The following CHODL variants were observed in gnomAD, a reference collection of about 807,000 sequenced individuals.
The protein encoded by CHODL is transmembrane protein MT75.
Under a neutral mutation model 34.5 loss-of-function variants are expected in CHODL, and 29 were observed. The ratio of observed to expected loss-of-function variants is 0.84; its 90% confidence interval spans 0.63 to 1.15. The LOEUF is 1.15. Among genes scored for constraint, CHODL ranks in the 50% most tolerant of loss-of-function variants. The probability of loss-of-function intolerance (pLI) is 0.00; values close to 1 mark genes in which losing one functional copy is unlikely to be tolerated. For missense variants in CHODL, 332 were observed against 332.5 expected (o/e 1.00, Z 0.01); for synonymous variants, 125 against 116.1 (o/e 1.08, Z -0.49).
chr21:18,126,222 C>T (rs148268943), intron 2 of CHODL, among the ~76,000 whole-genome samples: 4 of 152,142 alleles, frequency 2.6e-5, no homozygotes, highest in Admixed American at 6.5e-5. Flanking sequence ...CCATCTACAT[C>T]GAGGAAAGAT....
chr21:18,137,325 A>G (rs913385668), intron 2 of CHODL, among the ~76,000 whole-genome samples: 2 of 152,194 alleles, frequency 1.3e-5, no homozygotes, highest in Non-Finnish European at 2.9e-5. Flanking sequence ...TCCTTCTTCA[A>G]AGAAATCAAC....
chr21:17,934,143 A>G (rs2063300262), intron 1 of CHODL, among the ~76,000 whole-genome samples: 1 of 151,990 alleles, frequency 6.6e-6, no homozygotes, highest in Non-Finnish European at 1.5e-5. Context: ...TTCACTGATT[A>G]GGTAATGGGT....
chr21:18,098,406 A>G (rs756590804), intron 2 of CHODL, among the ~76,000 whole-genome samples: 45 of 152,280 alleles, frequency 3.0e-4, no homozygotes, highest in Non-Finnish European at 5.0e-4. Context: ...AAAGAGTTAA[A>G]TAGAAATTTT....
chr21:18,085,323 T>C (rs1041520347), intron 2 of CHODL, among the ~76,000 whole-genome samples: 4 of 152,200 alleles, frequency 2.6e-5, no homozygotes, highest in Admixed American at 6.5e-5. Context: ...TTCTGTCATA[T>C]TGCTAATTAT....
intron 1 of CHODL, among the ~76,000 whole-genome samples, chr21:18,004,356 G>A (rs1174903130): frequency 6.6e-6 from 1 of 152,174 alleles, no homozygotes; most frequent in Non-Finnish European, 1.5e-5. Flanking sequence ...AAATCAATAT[G>A]TATTAGCATA....
At chr21:18,228,669 A>G (rs1053352776) in intron 2 of CHODL, among the ~76,000 whole-genome samples, 2 of 152,066 alleles carry the variant, frequency 1.3e-5, no homozygotes, top group African/African-American at 2.4e-5. Context: ...CCAAAACTCT[A>G]TTATCTGCCC....
At chr21:18,148,621 A>C (rs1167804396) in intron 2 of CHODL, among the ~76,000 whole-genome samples, 1 of 152,186 alleles carries the variant, frequency 6.6e-6, no homozygotes. Context: ...TCAAATATTC[A>C]TATTTATGAA....
intron 2 of CHODL, among the ~76,000 whole-genome samples, chr21:18,111,759 A>G (rs2065354417): frequency 6.6e-6 from 1 of 152,200 alleles, no homozygotes; most frequent in African/African-American, 2.4e-5. Context: ...CTTGATTTAT[A>G]TTCACAATTA....
At chr21:18,254,250 A>G (rs2074290468) in intron 1 of CHODL, among the ~76,000 whole-genome samples, 1 of 152,126 alleles carries the variant, frequency 6.6e-6, no homozygotes, top group South Asian at 2.1e-4. Flanking sequence ...AAAAGGCCAT[A>G]AATACCAACA....
chr21:17,973,129 A>G (rs548227770), intron 1 of CHODL, among the ~76,000 whole-genome samples: 2 of 152,286 alleles, frequency 1.3e-5, no homozygotes, highest in East Asian at 3.9e-4. Flanking sequence ...TACCCCTTAT[A>G]CAAAAATTAA....
At chr21:17,980,777 A>G (rs907414056) in intron 1 of CHODL, among the ~76,000 whole-genome samples, 3 of 152,188 alleles carry the variant, frequency 2.0e-5, no homozygotes, top group African/African-American at 7.2e-5. Flanking sequence ...AGTCTCTGAA[A>G]TGCACCGTGT....
chr21:18,142,283 C>T (rs991997501), intron 2 of CHODL, among the ~76,000 whole-genome samples: 2 of 151,964 alleles, frequency 1.3e-5, no homozygotes, highest in Non-Finnish European at 2.9e-5. Flanking sequence ...CTTCTGTGGG[C>T]GGAAATACTT....
At chr21:18,148,587 G>A (rs1411788741) in intron 2 of CHODL, among the ~76,000 whole-genome samples, 1 of 152,080 alleles carries the variant, frequency 6.6e-6, no homozygotes, top group Non-Finnish European at 1.5e-5. Context: ...CATTTATGAG[G>A]TGTGAGGTCA....
chr21:18,169,264 G>A (rs1281032644), intron 2 of CHODL, among the ~76,000 whole-genome samples: 1 of 151,888 alleles, frequency 6.6e-6, no homozygotes, highest in Non-Finnish European at 1.5e-5. Context: ...TGTCTTTCTA[G>A]AATATTGTCC....
intron 2 of CHODL, among the ~76,000 whole-genome samples, chr21:18,195,993 CA>C (rs2073583183): frequency 6.6e-6 from 1 of 152,158 alleles, no homozygotes; most frequent in South Asian, 2.1e-4. Flanking sequence ...GTGACATACA[CA>C]AGTTATATGG....
intron 1 of CHODL, among the ~76,000 whole-genome samples, chr21:17,952,750 G>C (rs988287834): frequency 1.3e-5 from 2 of 152,088 alleles, no homozygotes; most frequent in African/African-American, 4.8e-5. Context: ...CAAGGTATTT[G>C]TCCATTCTCT....
At chr21:18,205,979 T>C (rs1158223247) in intron 2 of CHODL, among the ~76,000 whole-genome samples, 2 of 152,198 alleles carry the variant, frequency 1.3e-5, no homozygotes, top group Non-Finnish European at 2.9e-5. Context: ...TTTAGTTTTA[T>C]TCCACTCTGG....
intron 2 of CHODL, among the ~76,000 whole-genome samples, chr21:18,105,059 T>C (rs2065257275): frequency 6.6e-6 from 1 of 152,222 alleles, no homozygotes; most frequent in Non-Finnish European, 1.5e-5. Flanking sequence ...GGAATATCTT[T>C]CAATAGGAAG....
intron 1 of CHODL, among the ~76,000 whole-genome samples, chr21:18,255,454 C>T (rs990544903): frequency 1.3e-5 from 2 of 151,952 alleles, no homozygotes; most frequent in African/African-American, 4.8e-5. Context: ...ATAAGTAGAG[C>T]CTCTAAAGCT....
Sources: allele counts gnomAD v4.1 joint callset (sites outside exome capture counted in the v4.1 genomes callset), GRCh38; gene constraint gnomAD v4.1.1; transcripts MANE v1.5; gene names NCBI Gene and HGNC (gene_info 2026-07-23, HGNC 2026-07-21).